CNTNAP5: variants seen among roughly 807,000 people sequenced by gnomAD.
The protein encoded by CNTNAP5 is contactin associated protein family member 5, also known as contactin-associated protein-like 5.
A neutral mutation model predicts 150.2 loss-of-function variants in CNTNAP5; 72 were observed. That is an observed-to-expected ratio of 0.48 (90% confidence interval 0.40 to 0.58). CNTNAP5 has a LOEUF of 0.58. CNTNAP5 is among the 20% of genes least tolerant of loss of function. The probability of loss-of-function intolerance (pLI) is 0.00; values close to 1 mark genes in which losing one functional copy is unlikely to be tolerated. For synonymous variants in CNTNAP5, 672 were observed against 619.8 expected, an observed-to-expected ratio of 1.08 and a Z score of -1.25; for missense variants, 1,636 against 1,626.2, an observed-to-expected ratio of 1.01 and a Z score of -0.10.
intron 5 of CNTNAP5, among the ~76,000 whole-genome samples, chr2:124,437,509 T>C (rs186282682): frequency 6.6e-6 from 1 of 152,218 alleles, no homozygotes; most frequent in East Asian, 1.9e-4. Context: ...TAATTTTAGA[T>C]TATAAAATAT....
At chr2:124,720,804 C>T (rs1225437945) in intron 13 of CNTNAP5, among the ~76,000 whole-genome samples, 1 of 152,130 alleles carries the variant, frequency 6.6e-6, no homozygotes, top group Non-Finnish European at 1.5e-5. Context: ...TACCTATAAC[C>T]CTTTAGCTAT....
At chr2:124,326,837 T>A (rs1327319202) in intron 3 of CNTNAP5, among the ~76,000 whole-genome samples, 1 of 151,974 alleles carries the variant, frequency 6.6e-6, no homozygotes, top group Non-Finnish European at 1.5e-5. Context: ...TGGGGATGGA[T>A]GCACACCCAT....
chr2:124,715,093 G>A (rs1462109328), intron 13 of CNTNAP5, among the ~76,000 whole-genome samples: 4 of 152,184 alleles, frequency 2.6e-5, no homozygotes, highest in African/African-American at 9.6e-5. Flanking sequence ...TCCCAGTAAT[G>A]CGGAGTGTGT....
chr2:124,531,047 A>T (rs553362875), intron 10 of CNTNAP5, among the ~76,000 whole-genome samples: 122 of 152,148 alleles, frequency 8.0e-4, no homozygotes, highest in African/African-American at 2.7e-3. Context: ...TATAATAATT[A>T]TGTGACTCAC....
At chr2:124,161,668 T>G (rs955065541) in intron 1 of CNTNAP5, among the ~76,000 whole-genome samples, 5 of 152,124 alleles carry the variant, frequency 3.3e-5, no homozygotes, top group African/African-American at 1.2e-4. Flanking sequence ...AAAATGATTT[T>G]GAAAGATGAT....
intron 7 of CNTNAP5, among the ~76,000 whole-genome samples, chr2:124,486,117 C>T (rs1480905321): frequency 2.6e-5 from 4 of 152,152 alleles, no homozygotes; most frequent in African/African-American, 9.7e-5. Context: ...GAATACTACT[C>T]AGCCATAAAA....
intron 8 of CNTNAP5, among the ~76,000 whole-genome samples, chr2:124,513,970 C>T (rs908830873): frequency 6.6e-6 from 1 of 152,204 alleles, no homozygotes; most frequent in Admixed American, 6.5e-5. Context: ...CCGCAAGCTT[C>T]ATCCTCTGCT....
chr2:124,282,731 T>C (rs962798664), intron 3 of CNTNAP5, among the ~76,000 whole-genome samples: 1 of 151,920 alleles, frequency 6.6e-6, no homozygotes, highest in African/African-American at 2.4e-5. Context: ...CCTTCAAAAA[T>C]GGTTTTCCCA....
At chr2:124,038,700 T>C (rs960257273) in intron 1 of CNTNAP5, among the ~76,000 whole-genome samples, 2 of 152,234 alleles carry the variant, frequency 1.3e-5, no homozygotes, top group Non-Finnish European at 2.9e-5. Flanking sequence ...GAAAATAGAA[T>C]GAAGGGCCTA....
intron 8 of CNTNAP5, among the ~76,000 whole-genome samples, chr2:124,513,537 C>T (rs777438620): frequency 6.6e-6 from 1 of 152,204 alleles, no homozygotes; most frequent in Non-Finnish European, 1.5e-5. Context: ...CTTGGTCCAA[C>T]ACCTTGCTTA....
intron 20 of CNTNAP5, 57 bp from the exon 21 acceptor site, chr2:124,869,618 T>C: frequency 8.7e-7 from 1 of 1,153,502 alleles, no homozygotes; most frequent in Non-Finnish European, 1.3e-6. Flanking sequence ...GGGATCGTTT[T>C]ATGCTTCTTA....
At chr2:124,622,600 A>T (rs1435532067) in intron 12 of CNTNAP5, among the ~76,000 whole-genome samples, 1 of 152,056 alleles carries the variant, frequency 6.6e-6, no homozygotes, top group Non-Finnish European at 1.5e-5. Context: ...GTGTAAAAGC[A>T]TTCCTTTTTC....
chr2:124,631,852 A>G (rs1187968541), intron 12 of CNTNAP5, among the ~76,000 whole-genome samples: 1 of 152,220 alleles, frequency 6.6e-6, no homozygotes, highest in African/African-American at 2.4e-5. Context: ...CAGAATCTAC[A>G]AGGAACTTAA....
intron 3 of CNTNAP5, among the ~76,000 whole-genome samples, chr2:124,370,743 G>C (rs900432349): frequency 5.3e-5 from 8 of 152,070 alleles, no homozygotes; most frequent in Admixed American, 3.9e-4. Context: ...GTGCTGCATG[G>C]GGGACATAAG....
intron 13 of CNTNAP5, among the ~76,000 whole-genome samples, chr2:124,693,616 G>T (rs1022674800): frequency 6.6e-6 from 1 of 152,022 alleles, no homozygotes. Context: ...TAGTTACTCT[G>T]TTCCTGACGC....
chr2:124,549,333 A>G (rs1695581002), intron 10 of CNTNAP5, among the ~76,000 whole-genome samples: 2 of 152,220 alleles, frequency 1.3e-5, no homozygotes, highest in Admixed American at 6.5e-5. Flanking sequence ...AGTGGACCCA[A>G]TTATAACCTG....
chr2:124,068,155 T>C (rs916733597), intron 1 of CNTNAP5, among the ~76,000 whole-genome samples: 1 of 148,664 alleles, frequency 6.7e-6, no homozygotes, highest in Non-Finnish European at 1.5e-5. Flanking sequence ...ACACTACCTA[T>C]ATCTTTCTTC....
rs142866935 is a variant in CNTNAP5 at position 124,624,011 on chromosome 2, T to A, written c.1876+14091T>A. 6.0e-4 allele frequency among the ~76,000 whole-genome samples: 92 copies of A among 152,274 alleles called. 1 individual carries two copies. Among genetic ancestry groups the A allele is most frequent in the Middle Eastern group, 3.4e-3 (1 of 294 alleles). ...GTGTCTCTCTTTTCTCTCTAATGGGTTTATGATGTTGACCAAAGTGTGGTG... is the reference window on the plus strand; with the variant it reads ...GTGTCTCTCTTTTCTCTCTAATGGGATTATGATGTTGACCAAAGTGTGGTG... On this transcript the variant is annotated intron_variant, in intron 12 of 23. Transcript: ENST00000682447.
chr2:124,030,476 A>G (rs1269983445), intron 1 of CNTNAP5, among the ~76,000 whole-genome samples: 1 of 152,110 alleles, frequency 6.6e-6, no homozygotes, highest in African/African-American at 2.4e-5. Flanking sequence ...CTATTATCAA[A>G]CACCAAACTC....
Sources: allele counts gnomAD v4.1 joint callset (sites outside exome capture counted in the v4.1 genomes callset), GRCh38; gene constraint gnomAD v4.1.1; transcripts MANE v1.5; gene names NCBI Gene and HGNC (gene_info 2026-07-23, HGNC 2026-07-21).